COX5A: variants seen among roughly 807,000 people sequenced by gnomAD.
COX5A encodes the protein cytochrome c oxidase subunit 5A, also known as cytochrome c oxidase subunit 5A, mitochondrial.
COX5A carries 6 observed loss-of-function variants against 16.1 expected under a neutral mutation model. The observed-to-expected ratio is 0.37, with a 90% CI of 0.20 to 0.73. COX5A has a LOEUF of 0.73. Among genes scored for constraint, COX5A ranks in the 30% least tolerant of loss-of-function variants. COX5A has a pLI of 0.50. For synonymous variants in COX5A, 73 were observed against 73.8 expected, an observed-to-expected ratio of 0.99 and a Z score of 0.06; for missense variants, 159 against 194.9, an observed-to-expected ratio of 0.82 and a Z score of 1.10.
intron 1 of COX5A, among the ~76,000 whole-genome samples, chr15:74,936,712 C>T (rs371447632): frequency 2.5e-4 from 38 of 149,654 alleles, no homozygotes; most frequent in African/African-American, 9.4e-4. Flanking sequence ...CTGCAACCTC[C>T]GCCTCTCAGG....
intron 4 of COX5A, 153 bp downstream of exon 4, chr15:74,923,495 T>C (rs2065330742): frequency 1.9e-6 from 1 of 523,650 alleles, no homozygotes; most frequent in Non-Finnish European, 3.4e-6. Flanking sequence ...GTTCTTTAAA[T>C]TTACCATTAC....
intron 4 of COX5A, among the ~76,000 whole-genome samples, chr15:74,921,674 G>A (rs1339005259): frequency 6.6e-6 from 1 of 152,186 alleles, no homozygotes; most frequent in East Asian, 1.9e-4. Context: ...AGGTTACAGT[G>A]AGCAGAGGTC....
intron 1 of COX5A, among the ~76,000 whole-genome samples, chr15:74,936,009 G>A (rs62029167): frequency 0.37 from 56,930 of 151,866 alleles, 13,489 homozygotes; most frequent in Non-Finnish European, 0.54. Context: ...AGTCAGTTTC[G>A]GCCAGGTGTG....
intron 2 of COX5A, among the ~76,000 whole-genome samples, chr15:74,928,674 C>G (rs11854704): frequency 6.6e-6 from 1 of 152,046 alleles, no homozygotes; most frequent in Admixed American, 6.6e-5. Flanking sequence ...CGTGAGCCAC[C>G]GCGCCCGTGC....
chr15:74,933,421 ATCTATCT>A (rs983878445), intron 1 of COX5A, among the ~76,000 whole-genome samples: 3 of 57,750 alleles, frequency 5.2e-5, no homozygotes, highest in Admixed American at 1.6e-4. Context: ...AAAAAAAAAT[ATCTATCT>A]ATCTATCTAT....
At chr15:74,924,435 T>G (rs2141270582) in intron 3 of COX5A, among the ~76,000 whole-genome samples, 1 of 151,626 alleles carries the variant, frequency 6.6e-6, no homozygotes, top group East Asian at 2.0e-4. Flanking sequence ...TACTCGGGAA[T>G]GCTTGAACTA....
chr15:74,925,873 T>G (rs972665289), intron 3 of COX5A, among the ~76,000 whole-genome samples: 1 of 151,386 alleles, frequency 6.6e-6, no homozygotes, highest in Non-Finnish European at 1.5e-5. Context: ...TTCCTTTCTT[T>G]TTTTTTTTAG....
intron 1 of COX5A, among the ~76,000 whole-genome samples, chr15:74,934,303 C>A (rs1368146939): frequency 1.3e-5 from 2 of 152,002 alleles, no homozygotes; most frequent in African/African-American, 2.4e-5. Flanking sequence ...TTCTGAAGGG[C>A]TAAAACAGAC....
chr15:74,932,616 G>A (rs1411991343), intron 1 of COX5A, among the ~76,000 whole-genome samples: 1 of 151,806 alleles, frequency 6.6e-6, no homozygotes, highest in Non-Finnish European at 1.5e-5. Context: ...TCTTCCCAGA[G>A]ACCTAAATTA....
At chr15:74,934,487 C>A (rs369066341) in intron 1 of COX5A, among the ~76,000 whole-genome samples, 1 of 152,072 alleles carries the variant, frequency 6.6e-6, no homozygotes, top group South Asian at 2.1e-4. Flanking sequence ...CTCGCCACCA[C>A]GCCCGGCTAA....
intron 1 of COX5A, among the ~76,000 whole-genome samples, chr15:74,930,349 C>T (rs1392586681): frequency 2.1e-5 from 3 of 139,786 alleles, no homozygotes; most frequent in Non-Finnish European, 4.5e-5. Flanking sequence ...ACCCAGGAGG[C>T]GGAGGTTGCA....
intron 1 of COX5A, among the ~76,000 whole-genome samples, chr15:74,937,419 G>A (rs1049870672): frequency 6.6e-6 from 1 of 152,212 alleles, no homozygotes; most frequent in Non-Finnish European, 1.5e-5. Context: ...TGATGGAAAA[G>A]GCTGTGAAGG....
chr15:74,925,388 T>C (rs1352160432), intron 3 of COX5A, among the ~76,000 whole-genome samples: 1 of 152,070 alleles, frequency 6.6e-6, no homozygotes, highest in Non-Finnish European at 1.5e-5. Flanking sequence ...TCATATAATG[T>C]ATATATATAT....
rs1233702132 is a variant in COX5A, at chr15:74,920,047, CCT to C, written c.*403_*404del. 2.9e-5 allele frequency: 9 copies of C among 314,514 alleles called. No individual in the cohort carries two copies. Among genetic ancestry groups the C allele is most frequent in the Non-Finnish European group, 4.6e-5 (8 of 174,072 alleles). The allele number at this position is 314,514 out of a possible 1,614,324, so 19.5% of individuals were successfully genotyped here. ...ATCTATCCCCACAGACAACCAGTCC[CCT>C]AAGCCTAGGGTGTCAACAAGAAAAT... On this transcript the variant is annotated 3_prime_UTR_variant, in exon 5 of 5. Coordinates refer to ENST00000322347, the MANE Select transcript of COX5A (RefSeq NM_004255.4).
chr15:74,922,379 C>T (rs1461211661), intron 4 of COX5A, among the ~76,000 whole-genome samples: 2 of 146,094 alleles, frequency 1.4e-5, no homozygotes, highest in African/African-American at 2.5e-5. Context: ...AGTGAGACTC[C>T]GTCTCAAAAA....
At chr15:74,932,851 C>T (rs1457176105) in intron 1 of COX5A, among the ~76,000 whole-genome samples, 1 of 151,938 alleles carries the variant, frequency 6.6e-6, no homozygotes, top group South Asian at 2.1e-4. Context: ...CATGCGCCAC[C>T]ATGTCAGGCT....
intron 3 of COX5A, among the ~76,000 whole-genome samples, chr15:74,926,032 ATTTTT>A (rs755631696): frequency 9.3e-6 from 1 of 107,664 alleles, no homozygotes; most frequent in Non-Finnish European, 1.9e-5. Context: ...TGCCCAGCTA[ATTTTT>A]TTTTTTTTTT....
intron 1 of COX5A, among the ~76,000 whole-genome samples, chr15:74,937,485 C>T (rs1202116917): frequency 2.0e-5 from 3 of 152,154 alleles, no homozygotes; most frequent in African/African-American, 4.8e-5. Context: ...ATCGTGTGTC[C>T]CATACGGAAG....
intron 4 of COX5A, among the ~76,000 whole-genome samples, chr15:74,922,054 AAAAC>A (rs148616070): frequency 0.021 from 3,217 of 152,244 alleles, 58 homozygotes; most frequent in East Asian, 0.067. Context: ...AAATTAAACA[AAAAC>A]AAACAAAAAG....
Sources: gnomAD v4.1 joint callset for allele counts (sites outside exome capture counted in the v4.1 genomes callset) on GRCh38, gnomAD v4.1.1 for gene constraint, MANE v1.5 for transcripts, NCBI Gene and HGNC (gene_info 2026-07-23, HGNC 2026-07-21) for gene names.